CRTC3: variants seen among roughly 807,000 people sequenced by gnomAD.
CRTC3 encodes CREB-regulated transcription coactivator 3.
In CRTC3, 26 loss-of-function variants were observed where a neutral mutation model predicts 74.5. The observed-to-expected ratio is 0.35, with a 90% confidence interval of 0.26 to 0.48. The LOEUF (loss-of-function observed/expected upper bound fraction) is 0.48, where lower values mean the gene tolerates loss of function less well. Ranked by LOEUF, CRTC3 falls within the 20% of genes least tolerant of loss-of-function variation. The pLI, the probability that CRTC3 is intolerant of heterozygous loss-of-function variation, is 0.99. For missense variants in CRTC3, 760 were observed against 787.3 expected (o/e 0.97, Z 0.41); for synonymous variants, 377 against 325.8 (o/e 1.16, Z -1.69).
Position 90,644,955 on chromosome 15 carries a change from G to A in CRTC3, c.*2815G>A. 1 of 232,436 alleles carries A rather than the reference G, an allele frequency of 4.3e-6. No homozygotes were observed. 14.4% of individuals were successfully genotyped at this position (232,436 alleles called of 1,614,324 possible). ...CTTTCTGTATGGTTGTGGGTTTTAG[G>A]ACATAGGGGGTTAGGAGAAGGGGTT... On this transcript the variant is annotated 3_prime_UTR_variant, in exon 15 of 15. Coordinates refer to ENST00000268184, the MANE Select transcript of CRTC3 (RefSeq NM_022769.5).
intron 5 of CRTC3, among the ~76,000 whole-genome samples, chr15:90,606,518 C>T (rs915368138): frequency 6.6e-6 from 1 of 152,040 alleles, no homozygotes; most frequent in Non-Finnish European, 1.5e-5. Flanking sequence ...GCCGAGATCA[C>T]ACCACTGCAC....
chr15:90,545,680 A>C (rs557238426), intron 2 of CRTC3, among the ~76,000 whole-genome samples: 13 of 151,944 alleles, frequency 8.6e-5, no homozygotes, highest in Middle Eastern at 3.4e-3. Flanking sequence ...GGGTTCAAGC[A>C]ATTCTCCTGC....
chr15:90,558,685 C>G (rs944646912), intron 2 of CRTC3, among the ~76,000 whole-genome samples: 1 of 152,034 alleles, frequency 6.6e-6, no homozygotes, highest in Non-Finnish European at 1.5e-5. Flanking sequence ...CCTCCACCGT[C>G]TTTCCTGCTT....
chr15:90,593,497 C>T, intron 2 of CRTC3, 139 bp from the exon 3 acceptor site: 2 of 851,342 alleles, frequency 2.3e-6, no homozygotes, highest in Non-Finnish European at 3.6e-6. Context: ...ACTTTATTTA[C>T]CTTGACCCAA....
chr15:90,631,819 T>C (rs1433427959), intron 11 of CRTC3, among the ~76,000 whole-genome samples: 2 of 152,024 alleles, frequency 1.3e-5, no homozygotes, highest in Non-Finnish European at 2.9e-5. Context: ...TGAGCTCAAG[T>C]GATCCTCGCA....
In CRTC3 at chr15:90,625,805, G is replaced by A. The variant is rs759844206; in HGVS notation, c.779G>A (p.Gly260Asp). 10 of 1,613,936 alleles carry A rather than the reference G, an allele frequency of 6.2e-6. No individual in the cohort carries two copies. Among genetic ancestry groups the A allele is most frequent in the African/African-American group, 1.3e-5 (1 of 74,870 alleles). The change falls in exon 10 of 15, where the codon GGC becomes GAC. Residue 260 changes from glycine to aspartate, a missense_variant. Physicochemically the swap from Gly to Asp is moderately conservative, Grantham distance 94. Coordinates refer to ENST00000268184, the MANE Select transcript of CRTC3 (RefSeq NM_022769.5). ...NAFPHNGQNL[G>D]LSPFLGTLNT... ...TTTCCACATAATGGTCAAAACCTAG[G>A]CCTCTCACCCTTCTTGGGGACCTTG...
At chr15:90,603,271 G>T (rs6496705) in intron 4 of CRTC3, among the ~76,000 whole-genome samples, 18 of 147,268 alleles carry the variant, frequency 1.2e-4, no homozygotes, top group Non-Finnish European at 2.1e-4. Flanking sequence ...GTGAAACCCC[G>T]TCTCCACTAA....
rs752390960 is a variant in CRTC3 at position 90,625,763 on chromosome 15, TTTC to T, written c.750-10_750-8del. 3.7e-6 allele frequency: 6 copies of T among 1,609,334 alleles called. No homozygotes were observed. In the South Asian group the frequency reaches 6.6e-5, roughly 18 times the overall value. On this transcript the variant is annotated splice_polypyrimidine_tract_variant and intron_variant, in intron 9 of 14. Coordinates refer to ENST00000268184, the MANE Select transcript of CRTC3 (RefSeq NM_022769.5). Reference sequence around the variant, plus strand: ...ACATTGTAGAAAGTCATTCTTAATCTTTCTTTTTTCAGTGCTTTTCCACATAAT... The same window carrying T: ...ACATTGTAGAAAGTCATTCTTAATCTTTTTTTCAGTGCTTTTCCACATAAT...
intron 2 of CRTC3, among the ~76,000 whole-genome samples, chr15:90,566,110 C>A (rs1225632106): frequency 1.3e-5 from 2 of 152,278 alleles, no homozygotes; most frequent in East Asian, 3.9e-4. Context: ...CTGGATAGAT[C>A]AAACTAGCCA....
At chr15:90,558,594 T>G (rs2151064741) in intron 2 of CRTC3, among the ~76,000 whole-genome samples, 1 of 152,260 alleles carries the variant, frequency 6.6e-6, no homozygotes, top group African/African-American at 2.4e-5. Context: ...GATATGTGAA[T>G]GGCTTACTTC....
chr15:90,584,111 C>A (rs1967604864), intron 2 of CRTC3, among the ~76,000 whole-genome samples: 1 of 152,034 alleles, frequency 6.6e-6, no homozygotes, highest in Non-Finnish European at 1.5e-5. Context: ...TAGACTTGTC[C>A]TTTTTAAAAG....
chr15:90,633,523 C>T (rs1969119116), intron 11 of CRTC3, among the ~76,000 whole-genome samples: 1 of 152,106 alleles, frequency 6.6e-6, no homozygotes, highest in Admixed American at 6.5e-5. Context: ...GCATGGAATC[C>T]CCCTGCTCCA....
At chr15:90,621,821 A>G (rs1968661958) in intron 9 of CRTC3, among the ~76,000 whole-genome samples, 1 of 152,204 alleles carries the variant, frequency 6.6e-6, no homozygotes, top group Admixed American at 6.5e-5. Context: ...ATAGAATTCC[A>G]TTCAGTGACT....
In CRTC3 at chr15:90,541,782, C is replaced by CTTTTTTTTT. The variant is rs11426969; in HGVS notation, c.231+1652_231+1653insTTTTTTTTT. ...GATAATCCTTGGCCTTCCCAGGATT[C>CTTTTTTTTT]TTTTTTTCTTTTTTTTTTTTTGAGA... On this transcript the variant is annotated intron_variant, in intron 2 of 14. Transcript: ENST00000268184. Among the ~76,000 whole-genome samples the CTTTTTTTTT allele has an allele frequency of 8.3e-5, 10 of 120,098 alleles. 3 individuals are homozygous for CTTTTTTTTT. The highest frequency in any genetic ancestry group is 6.7e-5 in the Non-Finnish European group (4 of 59,354). 78.8% of individuals were successfully genotyped at this position (120,098 alleles called of 152,430 possible).
At chr15:90,633,990 G>C (rs1479537273) in intron 11 of CRTC3, among the ~76,000 whole-genome samples, 1 of 147,592 alleles carries the variant, frequency 6.8e-6, no homozygotes, top group Non-Finnish European at 1.5e-5. Flanking sequence ...TATCTCTCAG[G>C]TTTTTAGTGG....
intron 2 of CRTC3, among the ~76,000 whole-genome samples, chr15:90,568,377 G>C (rs1391460837): frequency 6.6e-6 from 1 of 151,194 alleles, no homozygotes; most frequent in African/African-American, 2.4e-5. Flanking sequence ...TTTTTAAATA[G>C]TCTCGCTCTG....
chr15:90,570,387 A>G (rs1382158538), intron 2 of CRTC3, among the ~76,000 whole-genome samples: 6 of 152,060 alleles, frequency 3.9e-5, no homozygotes, highest in Non-Finnish European at 1.5e-5. Context: ...CTTCTCTCAA[A>G]TTCTTGAGTT....
chr15:90,638,746 G>C lies in CRTC3; in HGVS notation c.1479G>C (p.Leu493Phe). The change falls in exon 13 of 15, where the codon TTG (leucine) becomes TTC (phenylalanine). Residue 493 changes from leucine (L) to phenylalanine (F), a missense_variant. Coordinates refer to ENST00000268184, the MANE Select transcript of CRTC3 (RefSeq NM_022769.5). ...FQLLPAQGSSLTNFFPDVGFD... is the reference protein window; with the variant it reads ...FQLLPAQGSSFTNFFPDVGFD... ...CTTATTCCCTGAAGGGCTCATCTTT[G>C]ACCAACTTCTTCCCAGATGTGGGTT... The C allele has an allele frequency of 1.2e-6, 2 of 1,614,096 alleles. No homozygotes were observed. Among genetic ancestry groups the C allele is most frequent in the East Asian group, 2.2e-5 (1 of 44,870 alleles).
chr15:90,642,040 T>C lies in CRTC3; in HGVS notation c.1760T>C (p.Ile587Thr), dbSNP rs576750050. 5.0e-6 allele frequency: 8 copies of C among 1,613,860 alleles called. No homozygotes were observed. The highest frequency in any genetic ancestry group is 2.7e-5 in the African/African-American group (2 of 74,930). Residue 587 changes from isoleucine (I) to threonine (T), a missense_variant, in exon 15 of 15, where the codon ATT becomes ACT. By Grantham distance (89) the Ile-to-Thr change is moderately conservative (BLOSUM62 -1). This residue lies in a region of CRTC3 where 652 missense variants were observed against 635.2 expected (regional missense o/e 1.03). Transcript: ENST00000268184. ...TPFPLEEELQ[I>T]EPLSLDGLNM... ...TTTCCACTGGAAGAGGAGCTGCAGA[T>C]TGAACCCCTGAGCCTGGACGGACTC...
Sources: gnomAD v4.1 joint callset for allele counts (sites outside exome capture counted in the v4.1 genomes callset) on GRCh38, gnomAD v4.1.1 for gene constraint, gnomAD v4.1.1 regional missense constraint, MANE v1.5 for transcripts, NCBI Gene and HGNC (gene_info 2026-07-23, HGNC 2026-07-21) for gene names.